The following XKR6 variants were observed in gnomAD, a reference collection of about 807,000 sequenced individuals.
XKR6 encodes the protein XK-related protein 6.
A neutral mutation model predicts 56.7 loss-of-function variants in XKR6; 22 were observed. That is an observed-to-expected ratio of 0.39 (90% CI 0.28 to 0.55). XKR6 has a LOEUF of 0.55. Ranked by LOEUF, XKR6 falls within the 20% of genes least tolerant of loss-of-function variation. The pLI, the probability that XKR6 is intolerant of heterozygous loss-of-function variation, is 0.66. For synonymous variants in XKR6, 524 were observed against 387.8 expected, an observed-to-expected ratio of 1.35 and a Z score of -4.13; for missense variants, 852 against 889.0, an observed-to-expected ratio of 0.96 and a Z score of 0.53.
At chr8:10,977,105 T>C (rs536045110) in intron 1 of XKR6, among the ~76,000 whole-genome samples, 2 of 152,174 alleles carry the variant, frequency 1.3e-5, no homozygotes, top group Non-Finnish European at 2.9e-5. Flanking sequence ...TTTCTGACTC[T>C]GCATCCCCAA....
At position 11,107,438 on chromosome 8, in the gene XKR6, G is replaced by C. The variant is rs1405299192; in HGVS notation, c.764+93138C>G. ...GGCCTTGGGCAGTCCTCCTGCCTCGGCCTCCCAGAGTGCTAGGATTTTAGG... is the reference window on the plus strand; with the variant it reads ...GGCCTTGGGCAGTCCTCCTGCCTCGCCCTCCCAGAGTGCTAGGATTTTAGG... On this transcript the variant is annotated intron_variant, in intron 1 of 2. Coordinates refer to ENST00000416569, the MANE Select transcript of XKR6 (RefSeq NM_173683.4). Among the ~76,000 whole-genome samples, 4 of 152,206 alleles carry C rather than the reference G, an allele frequency of 2.6e-5. No individual in the cohort carries two copies. In the South Asian group the frequency reaches 6.2e-4, roughly 24 times the overall value.
intron 1 of XKR6, chr8:11,035,130 G>T (rs1238665450): frequency 7.8e-6 from 4 of 513,500 alleles, no homozygotes; most frequent in African/African-American, 1.9e-5. Context: ...GGGCTGCCAT[G>T]AGGTCGAAAG....
chr8:10,982,177 G>T (rs770227847), intron 1 of XKR6, among the ~76,000 whole-genome samples: 11 of 152,166 alleles, frequency 7.2e-5, no homozygotes, highest in Non-Finnish European at 1.3e-4. Flanking sequence ...AAAGGCAAAT[G>T]GTAGGTGGCA....
At chr8:11,079,995 A>G (rs1028764266) in intron 1 of XKR6, among the ~76,000 whole-genome samples, 42 of 152,106 alleles carry the variant, frequency 2.8e-4, no homozygotes, top group South Asian at 2.1e-4. Flanking sequence ...ATACATAAAT[A>G]CATAAATAAA....
chr8:11,190,203 G>A (rs770372588), intron 1 of XKR6, among the ~76,000 whole-genome samples: 57 of 39,772 alleles, frequency 1.4e-3, no homozygotes, highest in Middle Eastern at 0.011. Context: ...AAGAAAGAAA[G>A]AAAAGAAAGA....
chr8:10,903,826 C>T (rs186792214), intron 2 of XKR6, among the ~76,000 whole-genome samples: 1 of 152,136 alleles, frequency 6.6e-6, no homozygotes, highest in African/African-American at 2.4e-5. Flanking sequence ...GTACACCGTG[C>T]GGACAGAACT....
At chr8:11,196,402 G>C (rs192473874) in intron 1 of XKR6, among the ~76,000 whole-genome samples, 1 of 151,854 alleles carries the variant, frequency 6.6e-6, no homozygotes, top group African/African-American at 2.4e-5. Context: ...ATTAATACTT[G>C]AGCTCAAAAA....
At chr8:11,033,940 T>A (rs1460819314) in intron 1 of XKR6, among the ~76,000 whole-genome samples, 1 of 152,222 alleles carries the variant, frequency 6.6e-6, no homozygotes, top group Non-Finnish European at 1.5e-5. Flanking sequence ...GAGAAGCAGC[T>A]TGGCCAGCCA....
At chr8:11,052,095 A>C (rs1196291639) in intron 1 of XKR6, among the ~76,000 whole-genome samples, 1 of 151,700 alleles carries the variant, frequency 6.6e-6, no homozygotes, top group African/African-American at 2.4e-5. Context: ...CCCCTTCCCC[A>C]GACCCCTCAC....
chr8:11,171,825 G>C (rs184015214), intron 1 of XKR6, among the ~76,000 whole-genome samples: 262 of 151,346 alleles, frequency 1.7e-3, no homozygotes, highest in Middle Eastern at 7.0e-3. Context: ...GGCTGAGGTG[G>C]GCTGACCATG....
chr8:10,924,093 G>T (rs1462068365), intron 2 of XKR6, among the ~76,000 whole-genome samples: 1 of 152,146 alleles, frequency 6.6e-6, no homozygotes, highest in African/African-American at 2.4e-5. Context: ...GTTGCTTCCA[G>T]CCCCTCCTCC....
intron 1 of XKR6, among the ~76,000 whole-genome samples, chr8:10,974,986 C>T (rs1802509801): frequency 6.6e-6 from 1 of 152,160 alleles, no homozygotes; most frequent in South Asian, 2.1e-4. Flanking sequence ...GTATATTTTA[C>T]CAAGCTTTTT....
intron 1 of XKR6, among the ~76,000 whole-genome samples, chr8:11,027,721 T>G (rs1167404461): frequency 1.3e-5 from 2 of 152,204 alleles, no homozygotes; most frequent in Admixed American, 1.3e-4. Context: ...AGTTATTTGC[T>G]CCATTACTTG....
At chr8:11,151,472 G>A (rs892169629) in intron 1 of XKR6, among the ~76,000 whole-genome samples, 1 of 152,076 alleles carries the variant, frequency 6.6e-6, no homozygotes, top group Non-Finnish European at 1.5e-5. Context: ...GTTGAGAATG[G>A]CAAGATTTTA....
rs368030270 is a variant in XKR6 at position 10,931,656 on chromosome 8, CT to C, written c.765-6827del. Among the ~76,000 whole-genome samples, 259 of 152,136 alleles carry C rather than the reference CT, an allele frequency of 1.7e-3. 1 individual carries two copies. Among genetic ancestry groups the C allele is most frequent in the African/African-American group, 5.7e-3 (236 of 41,512 alleles). On this transcript the variant is annotated intron_variant, in intron 1 of 2. Coordinates refer to ENST00000416569, the MANE Select transcript of XKR6 (RefSeq NM_173683.4). Reference sequence around the variant, plus strand: ...ATAAAGACAATTCAATGTTGATAGTCTTTTCAACAAATGATGTAGTAATAAT... The same window carrying C: ...ATAAAGACAATTCAATGTTGATAGTCTTTCAACAAATGATGTAGTAATAAT...
chr8:10,940,745 C>T (rs4520127), intron 1 of XKR6, among the ~76,000 whole-genome samples: 35,909 of 152,058 alleles, frequency 0.24, 6,260 homozygotes, highest in African/African-American at 0.49. Flanking sequence ...AACCTGTACG[C>T]GACAACCAGC....
At chr8:11,015,353 G>C (rs1683676877) in intron 1 of XKR6, among the ~76,000 whole-genome samples, 1 of 151,102 alleles carries the variant, frequency 6.6e-6, no homozygotes, top group Non-Finnish European at 1.5e-5. Flanking sequence ...TTTTTTTTTC[G>C]GTCCAGATTT....
intron 1 of XKR6, among the ~76,000 whole-genome samples, chr8:11,018,372 G>C (rs1462068145): frequency 3.3e-5 from 5 of 152,206 alleles, no homozygotes; most frequent in Non-Finnish European, 7.3e-5. Flanking sequence ...ATATTTGACA[G>C]GCAGCATCCC....
At chr8:10,931,963 G>C (rs1303823990) in intron 1 of XKR6, among the ~76,000 whole-genome samples, 1 of 152,134 alleles carries the variant, frequency 6.6e-6, no homozygotes, top group African/African-American at 2.4e-5. Context: ...AGAACTTGTA[G>C]CTAGAATAAA....
Sources: gnomAD v4.1 joint callset for allele counts (sites outside exome capture counted in the v4.1 genomes callset) on GRCh38, gnomAD v4.1.1 for gene constraint, MANE v1.5 for transcripts, NCBI Gene and HGNC (gene_info 2026-07-23, HGNC 2026-07-21) for gene names.